TAF15: variants seen among roughly 807,000 people sequenced by gnomAD.
TAF15 encodes TATA-binding protein-associated factor 2N.
In TAF15, 37 loss-of-function variants were observed where a neutral mutation model predicts 102.5. The ratio of observed to expected loss-of-function variants is 0.36; its 90% confidence interval spans 0.28 to 0.47. The LOEUF is 0.47. Among genes scored for constraint, TAF15 ranks in the 20% least tolerant of loss-of-function variants. The probability of loss-of-function intolerance (pLI) is 0.99; values close to 1 mark genes in which losing one functional copy is unlikely to be tolerated. For missense variants in TAF15, 652 were observed against 760.7 expected (o/e 0.86, Z 1.68); for synonymous variants, 273 against 259.2 (o/e 1.05, Z -0.51).
In TAF15 at chr17:35,844,992, G is replaced by A. The variant is rs2087606874; in HGVS notation, c.1693G>A (p.Gly565Ser). The A allele has an allele frequency of 3.1e-6, 5 of 1,612,250 alleles. No homozygotes were observed. The East Asian group carries it at 8.9e-5, about 29-fold the overall frequency. The change falls in exon 15 of 16, where the codon GGC (glycine) becomes AGC (serine). Residue 565 changes from glycine to serine, a missense_variant. Coordinates refer to ENST00000605844, the MANE Select transcript of TAF15 (RefSeq NM_139215.3). ...GGGYGGDRGGGYGGDRGGYGG... is the reference protein window; with the variant it reads ...GGGYGGDRGGSYGGDRGGYGG... Reference sequence around the variant, plus strand: ...CGGCTATGGAGGAGACCGAGGTGGGGGCTACGGAGGAGACCGAGGTGGCTA... The same window carrying A: ...CGGCTATGGAGGAGACCGAGGTGGGAGCTACGGAGGAGACCGAGGTGGCTA...
At position 35,847,199 on chromosome 17, in the gene TAF15, TG is replaced by T; in HGVS notation, c.*255del. 1.6e-6 allele frequency: 1 copy of T among 606,294 alleles called. No individual in the cohort carries two copies. The highest frequency in any genetic ancestry group is 2.7e-5 in the East Asian group (1 of 36,560). The allele number at this position is 606,294 out of a possible 1,614,324, so 37.6% of individuals were successfully genotyped here. A position where few individuals can be genotyped will look rare whatever the true frequency, so the allele number is the denominator to read the frequency against. On this transcript the variant is annotated 3_prime_UTR_variant, in exon 16 of 16. Coordinates refer to ENST00000605844, the MANE Select transcript of TAF15 (RefSeq NM_139215.3). ...AATATTGCCAAAATGAAAAGTGTTT[TG>T]TAATACTGCAATAAAGGCTGCTTGT...
chr17:35,824,220 C>T (rs370716537), intron 7 of TAF15, 22 bp downstream of exon 7: 22 of 1,604,944 alleles, frequency 1.4e-5, no homozygotes, highest in African/African-American at 4.1e-5. Flanking sequence ...GATAAAGATG[C>T]GTACATTTCT....
chr17:35,822,051 A>G (rs928854730), intron 5 of TAF15, among the ~76,000 whole-genome samples: 1 of 151,076 alleles, frequency 6.6e-6, no homozygotes, highest in African/African-American at 2.4e-5. Context: ...TTTTTAATTC[A>G]TAGAGATAGG....
chr17:35,814,735 C>G (rs1233632344), intron 1 of TAF15, among the ~76,000 whole-genome samples: 1 of 151,804 alleles, frequency 6.6e-6, no homozygotes, highest in Non-Finnish European at 1.5e-5. Context: ...CACCTGTAAT[C>G]CCAGCCACTC....
At chr17:35,827,769 A>G (rs2087348829) in intron 7 of TAF15, among the ~76,000 whole-genome samples, 1 of 152,194 alleles carries the variant, frequency 6.6e-6, no homozygotes, top group Non-Finnish European at 1.5e-5. Context: ...AGGATGGGAC[A>G]TTCTTGGACT....
rs747114694 is a variant in TAF15, at chr17:35,817,765, A to G, written c.47+10A>G. Reference sequence around the variant, plus strand: ...GGGGTGAGCAGCAAAGGTAAAGTATACATACATTTTAATAATATGAAAGGG... The same window carrying G: ...GGGGTGAGCAGCAAAGGTAAAGTATGCATACATTTTAATAATATGAAAGGG... On this transcript the variant is annotated intron_variant, in intron 2 of 15. Coordinates refer to ENST00000605844, the MANE Select transcript of TAF15 (RefSeq NM_139215.3). 3 of 1,612,498 alleles carry G rather than the reference A, an allele frequency of 1.9e-6. No individual in the cohort carries two copies. The highest frequency in any genetic ancestry group is 1.7e-4 in the Middle Eastern group (1 of 6,056).
At chr17:35,819,147 A>C (rs2087229761) in intron 2 of TAF15, among the ~76,000 whole-genome samples, 1 of 152,186 alleles carries the variant, frequency 6.6e-6, no homozygotes, top group East Asian at 1.9e-4. Flanking sequence ...AACTGATTTG[A>C]CTTTTTTGAT....
intron 1 of TAF15, among the ~76,000 whole-genome samples, chr17:35,812,362 C>T (rs1321085686): frequency 4.0e-5 from 6 of 151,722 alleles, no homozygotes; most frequent in South Asian, 2.1e-4. Flanking sequence ...TTTGGGAGGC[C>T]GAGGCGGGTG....
chr17:35,844,203 G>T, intron 13 of TAF15, 45 bp downstream of exon 13: 1 of 1,612,290 alleles, frequency 6.2e-7, no homozygotes, highest in East Asian at 2.2e-5. Context: ...TTGGGATTGG[G>T]GCTGTGGAGG....
intron 7 of TAF15, among the ~76,000 whole-genome samples, chr17:35,826,767 C>T (rs567716818): frequency 2.6e-4 from 39 of 148,454 alleles, no homozygotes; most frequent in African/African-American, 9.2e-4. Context: ...GGGGTTTCAC[C>T]GTGTTAGCTA....
chr17:35,829,968 C>G (rs937614153), intron 7 of TAF15: 1 of 151,902 alleles, frequency 6.6e-6, no homozygotes, highest in Admixed American at 6.6e-5. Flanking sequence ...GGTGAAACCC[C>G]GTCTCTACTG....
At chr17:35,833,276 T>C (rs1224556892) in intron 7 of TAF15, among the ~76,000 whole-genome samples, 1 of 152,160 alleles carries the variant, frequency 6.6e-6, no homozygotes, top group Non-Finnish European at 1.5e-5. Context: ...TGAAGAGATG[T>C]AGTATAGTGG....
chr17:35,840,394 G>A (rs1364053365), intron 11 of TAF15, among the ~76,000 whole-genome samples: 3 of 150,830 alleles, frequency 2.0e-5, no homozygotes, highest in African/African-American at 7.3e-5. Flanking sequence ...TGGGACTACA[G>A]GTACATGCCA....
At chr17:35,828,447 C>A (rs947190997) in intron 7 of TAF15, among the ~76,000 whole-genome samples, 4 of 152,146 alleles carry the variant, frequency 2.6e-5, no homozygotes, top group African/African-American at 9.7e-5. Flanking sequence ...TAAAAAATTT[C>A]TTTTTGTTGG....
chr17:35,833,718 T>C (rs1431463053), intron 7 of TAF15, 189 bp from the exon 8 acceptor site: 3 of 605,612 alleles, frequency 5.0e-6, no homozygotes, highest in Non-Finnish European at 8.8e-6. Context: ...CTTGTGGAAA[T>C]AGATCCTTGG....
At chr17:35,826,856 C>T (rs2143779714) in intron 7 of TAF15, among the ~76,000 whole-genome samples, 1 of 150,906 alleles carries the variant, frequency 6.6e-6, no homozygotes, top group South Asian at 2.1e-4. Context: ...CCACGCCTGG[C>T]TGAAGTTCAT....
At chr17:35,809,622 G>A in intron 1 of TAF15, 46 bp downstream of exon 1, 1 of 1,612,692 alleles carries the variant, frequency 6.2e-7, no homozygotes, top group Non-Finnish European at 8.5e-7. Flanking sequence ...AGAAGGTCCT[G>A]GCGGGGTTGG....
intron 1 of TAF15, among the ~76,000 whole-genome samples, chr17:35,812,735 G>A (rs906549070): frequency 2.6e-5 from 4 of 152,188 alleles, no homozygotes; most frequent in Non-Finnish European, 4.4e-5. Flanking sequence ...TGAAATGAGA[G>A]TCAATGACAA....
intron 10 of TAF15, among the ~76,000 whole-genome samples, chr17:35,838,216 A>G (rs1403970064): frequency 6.6e-6 from 1 of 152,194 alleles, no homozygotes; most frequent in Non-Finnish European, 1.5e-5. Context: ...AAAACAGTAT[A>G]CTATATCATT....
Sources: allele counts gnomAD v4.1 joint callset (sites outside exome capture counted in the v4.1 genomes callset), GRCh38; gene constraint gnomAD v4.1.1; transcripts MANE v1.5; gene names NCBI Gene and HGNC (gene_info 2026-07-23, HGNC 2026-07-21).